CPLX4: variants seen among roughly 807,000 people sequenced by gnomAD.
CPLX4 encodes the protein complexin-4.
A neutral mutation model predicts 16.1 loss-of-function variants in CPLX4; 17 were observed. The ratio of observed to expected loss-of-function variants is 1.06; its 90% CI spans 0.72 to 1.59. CPLX4 has a LOEUF of 1.59. CPLX4 is among the 40% of genes most tolerant of loss of function. The pLI is 0.00. For missense variants in CPLX4, 193 were observed against 192.9 expected, an observed-to-expected ratio of 1.00 and a Z score of 0.00; for synonymous variants, 55 against 57.8, an observed-to-expected ratio of 0.95 and a Z score of 0.22.
At chr18:59,317,132 A>T (rs1016833438) in intron 1 of CPLX4, among the ~76,000 whole-genome samples, 4 of 152,150 alleles carry the variant, frequency 2.6e-5, no homozygotes, top group Non-Finnish European at 5.9e-5. Flanking sequence ...CTTTCAGAAA[A>T]ATACAATAGA....
intron 2 of CPLX4, among the ~76,000 whole-genome samples, chr18:59,298,148 G>C (rs1266678320): frequency 6.6e-6 from 1 of 151,506 alleles, no homozygotes; most frequent in Admixed American, 6.6e-5. Flanking sequence ...GGAGTGCAGT[G>C]GTGCAATCTG....
At chr18:59,311,235 G>A (rs192486232) in intron 2 of CPLX4, among the ~76,000 whole-genome samples, 53 of 152,316 alleles carry the variant, frequency 3.5e-4, no homozygotes, top group Admixed American at 3.3e-3. Context: ...GTGAGGAAAA[G>A]TTATTAAACC....
intron 1 of CPLX4, among the ~76,000 whole-genome samples, chr18:59,316,626 T>A (rs902788549): frequency 5.9e-5 from 9 of 152,166 alleles, no homozygotes; most frequent in Non-Finnish European, 1.2e-4. Flanking sequence ...AGTGACTACA[T>A]AAATATATAA....
chr18:59,313,542 G>A (rs528645061), intron 1 of CPLX4, among the ~76,000 whole-genome samples: 11 of 152,152 alleles, frequency 7.2e-5, no homozygotes, highest in Admixed American at 1.3e-4. Context: ...ACCACCACCC[G>A]TCCCTGCTGC....
chr18:59,315,976 AGT>A (rs2070648676), intron 1 of CPLX4, among the ~76,000 whole-genome samples: 1 of 152,188 alleles, frequency 6.6e-6, no homozygotes, highest in Non-Finnish European at 1.5e-5. Context: ...CACCAAGTAA[AGT>A]GTAAATTCCT....
intron 2 of CPLX4, among the ~76,000 whole-genome samples, chr18:59,306,389 A>G (rs980733193): frequency 6.6e-6 from 1 of 152,272 alleles, no homozygotes; most frequent in Admixed American, 6.5e-5. Context: ...ATACATATAC[A>G]TATACATACT....
At chr18:59,313,750 G>A (rs2070633708) in intron 1 of CPLX4, among the ~76,000 whole-genome samples, 1 of 152,172 alleles carries the variant, frequency 6.6e-6, no homozygotes. Context: ...CACTAACCTT[G>A]TAGTCTGGCT....
intron 2 of CPLX4, among the ~76,000 whole-genome samples, chr18:59,300,427 T>A (rs923751884): frequency 6.6e-6 from 1 of 152,224 alleles, no homozygotes; most frequent in African/African-American, 2.4e-5. Flanking sequence ...TTAGTAATAC[T>A]CAAATTTGTA....
chr18:59,296,581 C>A lies in CPLX4; in HGVS notation c.*117G>T, dbSNP rs531020927. Reference sequence around the variant, plus strand: ...ACCAAATTATTGTCTGTCAATGGATCATCGTGGTTTTCCTAACTGTGTTCA... The same window carrying A: ...ACCAAATTATTGTCTGTCAATGGATAATCGTGGTTTTCCTAACTGTGTTCA... On this transcript the variant is annotated 3_prime_UTR_variant, in exon 3 of 3. Coordinates refer to ENST00000299721, the MANE Select transcript of CPLX4 (RefSeq NM_181654.4). 2.9e-6 allele frequency: 3 copies of A among 1,038,572 alleles called. No individual in the cohort carries two copies. Among genetic ancestry groups the A allele is most frequent in the African/African-American group, 1.6e-5 (1 of 61,608 alleles). 64.3% of individuals were successfully genotyped at this position (1,038,572 alleles called of 1,614,324 possible).
intron 2 of CPLX4, among the ~76,000 whole-genome samples, chr18:59,297,278 ATTT>A (rs142082605): frequency 1.4e-5 from 2 of 144,140 alleles, no homozygotes; most frequent in Non-Finnish European, 1.5e-5. Flanking sequence ...GCCATCTGGA[ATTT>A]TTTTTTTTTT....
At chr18:59,308,602 G>GCCACCACCCGCAGCCCGGGTT (rs2070594368) in intron 2 of CPLX4, among the ~76,000 whole-genome samples, 1 of 132,202 alleles carries the variant, frequency 7.6e-6, no homozygotes, top group African/African-American at 2.9e-5. Context: ...CCCTGGTCCT[G>GCCACCACCCGCAGCCCGGGTT]CCACCACCCG....
chr18:59,299,658 A>G (rs2070526674), intron 2 of CPLX4, among the ~76,000 whole-genome samples: 1 of 152,192 alleles, frequency 6.6e-6, no homozygotes, highest in Admixed American at 6.5e-5. Flanking sequence ...GGTTCGTTTT[A>G]TCCTTGTGCT....
At chr18:59,310,947 CGTGTGTGTGTGTGTGT>C (rs56041362) in intron 2 of CPLX4, among the ~76,000 whole-genome samples, 77 of 143,644 alleles carry the variant, frequency 5.4e-4, no homozygotes, top group East Asian at 1.1e-3. Context: ...CCCAGCCAAT[CGTGTGTGTGTGTGTGT>C]GTGTGTGTGT....
chr18:59,300,759 G>A (rs1433705618), intron 2 of CPLX4, among the ~76,000 whole-genome samples: 1 of 152,160 alleles, frequency 6.6e-6, no homozygotes, highest in Non-Finnish European at 1.5e-5. Flanking sequence ...AATTTGCTGT[G>A]GGCAGTCTTG....
intron 1 of CPLX4, among the ~76,000 whole-genome samples, chr18:59,313,353 GT>G (rs1396832427): frequency 6.6e-6 from 1 of 152,176 alleles, no homozygotes; most frequent in Non-Finnish European, 1.5e-5. Flanking sequence ...TTTCTTCCCA[GT>G]TTGGAAGGAG....
In CPLX4 at chr18:59,298,164, A is replaced by G. The variant is rs532723808; in HGVS notation, c.256-1239T>C. On this transcript the variant is annotated intron_variant, in intron 2 of 2. Coordinates refer to ENST00000299721, the MANE Select transcript of CPLX4 (RefSeq NM_181654.4). ...GAGTGCAGTGGTGCAATCTGGGCTC[A>G]TTGCAGCCTTGGCCTCCTGGGCTCA... Among the ~76,000 whole-genome samples the G allele has an allele frequency of 4.0e-5, 6 of 151,126 alleles. No homozygotes were observed. The East Asian group carries it at 1.2e-3, about 30-fold the overall frequency.
At chr18:59,308,074 G>A (rs1161371414) in intron 2 of CPLX4, among the ~76,000 whole-genome samples, 2 of 152,058 alleles carry the variant, frequency 1.3e-5, no homozygotes, top group Admixed American at 6.5e-5. Flanking sequence ...CACCGCGTCC[G>A]GCCTCTCTCT....
intron 2 of CPLX4, among the ~76,000 whole-genome samples, chr18:59,303,505 G>A (rs1351668626): frequency 1.3e-5 from 2 of 152,104 alleles, no homozygotes; most frequent in Non-Finnish European, 2.9e-5. Flanking sequence ...GCTTTTTAGG[G>A]GATGAGAACC....
intron 2 of CPLX4, among the ~76,000 whole-genome samples, chr18:59,297,393 C>T (rs2070509214): frequency 6.6e-6 from 1 of 151,984 alleles, no homozygotes; most frequent in Non-Finnish European, 1.5e-5. Context: ...TCTCCTGCCT[C>T]AGTAAATCTC....
Sources: allele counts gnomAD v4.1 joint callset (sites outside exome capture counted in the v4.1 genomes callset), GRCh38; gene constraint gnomAD v4.1.1; transcripts MANE v1.5; gene names NCBI Gene and HGNC (gene_info 2026-07-23, HGNC 2026-07-21).